The following RREB1 variants were observed in gnomAD, a reference collection of about 807,000 sequenced individuals.
The protein encoded by RREB1 is ras responsive element binding protein 1, also known as ras-responsive element-binding protein 1.
In RREB1, 27 loss-of-function variants were observed where a neutral mutation model predicts 117.8. That is an observed-to-expected ratio of 0.23 (90% CI 0.17 to 0.32). RREB1 has a LOEUF of 0.32. RREB1 is among the 10% of genes least tolerant of loss of function. The pLI is 1.00. For synonymous variants in RREB1, 1,298 were observed against 1,026.7 expected, an observed-to-expected ratio of 1.26 and a Z score of -5.05; for missense variants, 2,577 against 2,378.2, an observed-to-expected ratio of 1.08 and a Z score of -1.74.
intron 1 of RREB1, among the ~76,000 whole-genome samples, chr6:7,118,628 T>A (rs1278479268): frequency 6.6e-6 from 1 of 152,104 alleles, no homozygotes; most frequent in African/African-American, 2.4e-5. Context: ...GTCTCTGAAT[T>A]TGATTTGTAT....
chr6:7,221,249 A>G (rs1767232137), intron 8 of RREB1, among the ~76,000 whole-genome samples: 1 of 151,942 alleles, frequency 6.6e-6, no homozygotes, highest in South Asian at 2.1e-4. Flanking sequence ...GCTCACTGCA[A>G]GCTCCGCTTC....
chr6:7,141,570 G>C (rs536675014), intron 1 of RREB1, among the ~76,000 whole-genome samples: 36 of 152,286 alleles, frequency 2.4e-4, no homozygotes, highest in African/African-American at 8.7e-4. Context: ...CTCGCATTAT[G>C]TAATTATTTC....
intron 10 of RREB1, among the ~76,000 whole-genome samples, chr6:7,236,981 T>A (rs1213011220): frequency 7.0e-6 from 1 of 143,522 alleles, no homozygotes. Flanking sequence ...TACAGTGGCA[T>A]GATCACAGCT....
intron 1 of RREB1, among the ~76,000 whole-genome samples, chr6:7,142,049 T>TA (rs5874081): frequency 0.079 from 12,063 of 151,786 alleles, 582 homozygotes; most frequent in African/African-American, 0.13. Context: ...CCGTCTGTAC[T>TA]AAAAAAAATA....
intron 9 of RREB1, 74 bp downstream of exon 9, chr6:7,226,730 C>G (rs148829287): frequency 1.1e-5 from 13 of 1,135,496 alleles, no homozygotes; most frequent in Non-Finnish European, 1.5e-5. Flanking sequence ...TGGGAACTTC[C>G]TCTCCTCAGG....
intron 10 of RREB1, among the ~76,000 whole-genome samples, chr6:7,236,748 T>C (rs925868044): frequency 6.6e-6 from 1 of 151,706 alleles, no homozygotes; most frequent in African/African-American, 2.4e-5. Context: ...TTTTTTTTTT[T>C]ATCTTGGAGG....
At chr6:7,153,821 TGCAGGTCTG>T (rs1426307199) in intron 1 of RREB1, among the ~76,000 whole-genome samples, 2 of 152,244 alleles carry the variant, frequency 1.3e-5, no homozygotes, top group Non-Finnish European at 1.5e-5. Context: ...TAGAATCCTC[TGCAGGTCTG>T]GCAGCTCTCT....
intron 1 of RREB1, among the ~76,000 whole-genome samples, chr6:7,126,082 A>G (rs936414570): frequency 2.0e-5 from 3 of 151,854 alleles, no homozygotes; most frequent in Admixed American, 1.3e-4. Flanking sequence ...GCTCACTGCA[A>G]CCTCCGCCTC....
At chr6:7,191,580 A>G (rs1056632712) in intron 6 of RREB1, among the ~76,000 whole-genome samples, 2 of 152,226 alleles carry the variant, frequency 1.3e-5, no homozygotes, top group Non-Finnish European at 2.9e-5. Flanking sequence ...TATTGCCATC[A>G]TAACAATACT....
chr6:7,215,849 C>T (rs1041867823), intron 8 of RREB1: 1 of 152,232 alleles, frequency 6.6e-6, no homozygotes, highest in Non-Finnish European at 1.5e-5. Flanking sequence ...ACCACACCAG[C>T]CACATTTCAG....
At position 7,247,082 on chromosome 6, in the gene RREB1, C is replaced by G; in HGVS notation, c.4632C>G (p.Ser1544Arg). 6.2e-7 allele frequency: 1 copy of G among 1,613,694 alleles called. No individual in the cohort carries two copies. Among genetic ancestry groups the G allele is most frequent in the Non-Finnish European group, 8.5e-7 (1 of 1,179,952 alleles). Residue 1544 changes from serine (S) to arginine (R), a missense_variant, in exon 12 of 13, where the codon AGC (serine) becomes AGG (arginine). Coordinates refer to ENST00000379938, the MANE Select transcript of RREB1 (RefSeq NM_001003699.4). The part of the protein sequence containing the change: ...SAAEKRSSEK[S>R]DDDKKPKTDS... ...CCGAGAAAAGGTCCTCAGAGAAGAG[C>G]GACGATGACAAGAAACCAAAGACAG... is the stretch of plus-strand genomic sequence containing the variant.
At chr6:7,158,620 A>C (rs940863482) in intron 1 of RREB1, among the ~76,000 whole-genome samples, 1 of 152,280 alleles carries the variant, frequency 6.6e-6, no homozygotes, top group Non-Finnish European at 1.5e-5. Flanking sequence ...TTCTAGACCT[A>C]AAATTAGAAT....
At chr6:7,203,060 G>T (rs1464397789) in intron 6 of RREB1, among the ~76,000 whole-genome samples, 3 of 152,210 alleles carry the variant, frequency 2.0e-5, no homozygotes, top group African/African-American at 7.2e-5. Flanking sequence ...AGGATGTAGG[G>T]TGTTACTGAT....
chr6:7,164,104 C>G (rs1203921065), intron 1 of RREB1, among the ~76,000 whole-genome samples: 1 of 152,214 alleles, frequency 6.6e-6, no homozygotes, highest in Non-Finnish European at 1.5e-5. Flanking sequence ...GGTCGCCACA[C>G]ATGCCCTGTC....
At chr6:7,232,252 A>G (rs1483029362) in intron 10 of RREB1, among the ~76,000 whole-genome samples, 4 of 152,194 alleles carry the variant, frequency 2.6e-5, no homozygotes, top group African/African-American at 9.7e-5. Flanking sequence ...TGGGTTAAAC[A>G]GGGAGGCGGC....
intron 8 of RREB1, among the ~76,000 whole-genome samples, chr6:7,222,821 A>G (rs190370932): frequency 6.6e-6 from 1 of 152,066 alleles, no homozygotes; most frequent in African/African-American, 2.4e-5. Flanking sequence ...CACTACAACC[A>G]TAGAGGTGCA....
chr6:7,189,430 T>C (rs1270432377), intron 6 of RREB1, 108 bp downstream of exon 6: 2 of 1,027,392 alleles, frequency 1.9e-6, no homozygotes, highest in East Asian at 2.8e-5. Context: ...TACAGAGAGT[T>C]CTGGAGCTCT....
At chr6:7,125,570 G>A in intron 1 of RREB1, among the ~76,000 whole-genome samples, 1 of 152,170 alleles carries the variant, frequency 6.6e-6, no homozygotes, top group Non-Finnish European at 1.5e-5. Flanking sequence ...AGCTCTATAA[G>A]CATTTGGGAA....
intron 1 of RREB1, among the ~76,000 whole-genome samples, chr6:7,120,198 C>T (rs1002111751): frequency 1.2e-4 from 18 of 151,924 alleles, no homozygotes; most frequent in Non-Finnish European, 2.2e-4. Context: ...TGCCTCTCAT[C>T]CCAGCAGTTT....
Sources: allele counts gnomAD v4.1 joint callset (sites outside exome capture counted in the v4.1 genomes callset), GRCh38; gene constraint gnomAD v4.1.1; transcripts MANE v1.5; gene names NCBI Gene and HGNC (gene_info 2026-07-23, HGNC 2026-07-21).